The following DCT variants were observed in gnomAD, a reference collection of about 807,000 sequenced individuals.
DCT encodes the protein dopachrome tautomerase.
In DCT, 47 loss-of-function variants were observed where a neutral mutation model predicts 53.0. The ratio of observed to expected loss-of-function variants is 0.89; its 90% CI spans 0.70 to 1.13. The LOEUF is 1.13. Among genes scored for constraint, DCT ranks in the 50% most tolerant of loss-of-function variants. The probability of loss-of-function intolerance (pLI) is 0.00; values close to 1 mark genes in which losing one functional copy is unlikely to be tolerated. For missense variants in DCT, 669 were observed against 637.4 expected (o/e 1.05, Z -0.53); for synonymous variants, 244 against 237.0 (o/e 1.03, Z -0.27).
chr13:94,538,079 C>T, the DCT span, among the ~76,000 whole-genome samples: 3 of 151,890 alleles, frequency 2.0e-5, no homozygotes, highest in Admixed American at 6.6e-5. Context: ...AAGATGATAT[C>T]CAGGTTATTG....
chr13:94,514,461 A>G, the DCT span, among the ~76,000 whole-genome samples: 1 of 152,250 alleles, frequency 6.6e-6, no homozygotes, highest in African/African-American at 2.4e-5. Flanking sequence ...GCTAGTAAGC[A>G]AAGTGAGCAG....
chr13:94,443,125 T>A (rs2139275318), intron 7 of DCT, among the ~76,000 whole-genome samples: 2 of 152,328 alleles, frequency 1.3e-5, no homozygotes, highest in Middle Eastern at 3.4e-3. Flanking sequence ...GGAGGTTTTT[T>A]ATTAATCCAA....
chr13:94,461,120 G>A (rs1883759383), intron 5 of DCT, among the ~76,000 whole-genome samples: 1 of 152,174 alleles, frequency 6.6e-6, no homozygotes, highest in Non-Finnish European at 1.5e-5. Context: ...TGTGACAAAA[G>A]TGCTATTAAA....
the DCT span, among the ~76,000 whole-genome samples, chr13:94,534,111 T>C: frequency 6.6e-6 from 1 of 151,542 alleles, no homozygotes; most frequent in Non-Finnish European, 1.5e-5. Context: ...ATTCACAAGT[T>C]TCCCCATATA....
the DCT span, among the ~76,000 whole-genome samples, chr13:94,496,924 T>A: frequency 6.6e-6 from 1 of 152,164 alleles, no homozygotes; most frequent in South Asian, 2.1e-4. Flanking sequence ...CCCACACAAG[T>A]GCTGGACGTC....
At chr13:94,525,163 C>T in the DCT span, among the ~76,000 whole-genome samples, 6 of 152,090 alleles carry the variant, frequency 3.9e-5, no homozygotes, top group South Asian at 2.1e-4. Flanking sequence ...TGCAATGACA[C>T]GGTCTCTGCT....
At chr13:94,465,578 T>A in intron 4 of DCT, 55 bp downstream of exon 4, 1 of 1,538,210 alleles carries the variant, frequency 6.5e-7, no homozygotes, top group Non-Finnish European at 8.9e-7. Context: ...CCTCCATGTC[T>A]CAGACATCAG....
the DCT span, among the ~76,000 whole-genome samples, chr13:94,545,674 A>G: frequency 6.6e-6 from 1 of 152,044 alleles, no homozygotes; most frequent in Non-Finnish European, 1.5e-5. Context: ...TCTCTCCCAA[A>G]TGCCAGTGAT....
At chr13:94,471,695 A>G (rs1193448488) in intron 1 of DCT, among the ~76,000 whole-genome samples, 1 of 152,236 alleles carries the variant, frequency 6.6e-6, no homozygotes, top group Non-Finnish European at 1.5e-5. Context: ...GAACTGAGTG[A>G]ACAAAATGCT....
chr13:94,507,530 T>G, the DCT span, among the ~76,000 whole-genome samples: 1 of 149,908 alleles, frequency 6.7e-6, no homozygotes, highest in Admixed American at 6.7e-5. Context: ...AGACAGTGTC[T>G]TTCTCTGTTG....
At chr13:94,465,979 T>TAC (rs1178401249) in intron 3 of DCT, among the ~76,000 whole-genome samples, 180 bp from the exon 4 acceptor site, 18 of 9,900 alleles carry the variant, frequency 1.8e-3, no homozygotes, top group South Asian at 0.011. Context: ...TATATATATA[T>TAC]ATATATATAT....
rs376877447 is a variant in DCT, at chr13:94,439,918, T to C, written c.1540A>G (p.Arg514Gly). The C allele has an allele frequency of 1.3e-5, 21 of 1,613,742 alleles. No individual in the cohort carries two copies. In the East Asian group the frequency reaches 4.5e-4, roughly 34 times the overall value. ...GCACCCTAGGCTTCTTCTGTGTATCTCTTGCTGCTTAAATGTGTCTCCATT... is the reference window on the plus strand; with the variant it reads ...GCACCCTAGGCTTCTTCTGTGTATCCCTTGCTGCTTAAATGTGTCTCCATT... ...PLMETHLSSKRYTEEA is the reference protein window; with the variant it reads ...PLMETHLSSKGYTEEA The change falls in exon 8 of 8, where the codon AGA (arginine) becomes GGA (glycine). Residue 514 changes from arginine (R) to glycine (G), a missense_variant. Arg to Gly is a moderately radical substitution (Grantham distance 125, BLOSUM62 -2). Coordinates refer to ENST00000377028, the MANE Select transcript of DCT (RefSeq NM_001922.5).
chr13:94,487,563 C>T, the DCT span, among the ~76,000 whole-genome samples: 1 of 152,132 alleles, frequency 6.6e-6, no homozygotes, highest in Non-Finnish European at 1.5e-5. Flanking sequence ...GAAGAAATGG[C>T]TCAAAGCCTG....
rs1229931285 is a variant in DCT, at chr13:94,438,101, T to C, written c.*1797A>G. On this transcript the variant is annotated 3_prime_UTR_variant, in exon 8 of 8. Coordinates refer to ENST00000377028, the MANE Select transcript of DCT (RefSeq NM_001922.5). The stretch of plus-strand genomic sequence containing the variant: ...TGATTTATACATAACTTTTCAGAAA[T>C]ATATGTACCATGCACAATTATATCT... 4 of 152,310 alleles carry C rather than the reference T, an allele frequency of 2.6e-5. No homozygotes were observed. In the East Asian group the frequency reaches 7.7e-4, roughly 29 times the overall value. 9.4% of individuals were successfully genotyped at this position (152,310 alleles called of 1,614,324 possible).
the DCT span, among the ~76,000 whole-genome samples, chr13:94,526,977 C>A: frequency 6.6e-6 from 1 of 152,134 alleles, no homozygotes; most frequent in East Asian, 1.9e-4. Context: ...CCCTCCTGTG[C>A]CTGGCTCGGT....
the DCT span, among the ~76,000 whole-genome samples, chr13:94,498,257 T>C: frequency 0.58 from 88,561 of 152,102 alleles, 25,948 homozygotes; most frequent in Middle Eastern, 0.67. Context: ...GGGACTTTTA[T>C]AGACTTTCTC....
At chr13:94,451,633 T>A (rs1349419574) in intron 6 of DCT, among the ~76,000 whole-genome samples, 2 of 152,166 alleles carry the variant, frequency 1.3e-5, no homozygotes, top group Non-Finnish European at 2.9e-5. Flanking sequence ...TTGCAAGACA[T>A]CTCGCATAGG....
rs1434265610 is a variant in DCT at position 94,438,261 on chromosome 13, G to A, written c.*1637C>T. On this transcript the variant is annotated 3_prime_UTR_variant, in exon 8 of 8. Coordinates refer to ENST00000377028, the MANE Select transcript of DCT (RefSeq NM_001922.5). Reference sequence around the variant, plus strand: ...CAGTGCTGTATTTTCCATGAATATTGTTAATGGCAGGAACTGAGAGGTATC... The same window carrying A: ...CAGTGCTGTATTTTCCATGAATATTATTAATGGCAGGAACTGAGAGGTATC... The A allele has an allele frequency of 6.2e-6, 1 of 160,424 alleles. No homozygotes were observed. The highest frequency in any genetic ancestry group is 1.4e-5 in the Non-Finnish European group (1 of 73,426). The allele number at this position is 160,424 out of a possible 1,614,324, so 9.9% of individuals were successfully genotyped here. A position where few individuals can be genotyped will look rare whatever the true frequency, so the allele number is the denominator to read the frequency against.
In DCT at chr13:94,441,142, G is replaced by A. The variant is rs1394204344; in HGVS notation, c.1382-1066C>T. Among the ~76,000 whole-genome samples the A allele has an allele frequency of 2.0e-5, 3 of 151,884 alleles. No homozygotes were observed. In the East Asian group the frequency reaches 5.8e-4, roughly 29 times the overall value. The stretch of plus-strand genomic sequence containing the variant: ...CTAGTCCTTTTTCTGCAATCCCATG[G>A]GAGGTCCTGACCTGTCCTGATGGGA... On this transcript the variant is annotated intron_variant, in intron 7 of 7. Transcript: ENST00000377028.
Sources: allele counts gnomAD v4.1 joint callset (sites outside exome capture counted in the v4.1 genomes callset), GRCh38; gene constraint gnomAD v4.1.1; transcripts MANE v1.5; gene names NCBI Gene and HGNC (gene_info 2026-07-23, HGNC 2026-07-21).